Variants in FBXO16 observed in about 807,000 individuals in gnomAD.
The protein encoded by FBXO16 is F-box protein 16, also known as F-box only protein 16.
A neutral mutation model predicts 41.0 loss-of-function variants in FBXO16; 31 were observed. The observed-to-expected ratio is 0.76, with a 90% CI of 0.57 to 1.02. The LOEUF is 1.02. Ranked by LOEUF, FBXO16 falls within the 50% of genes least tolerant of loss-of-function variation. FBXO16 has a pLI of 0.00. For synonymous variants in FBXO16, 133 were observed against 117.8 expected, an observed-to-expected ratio of 1.13 and a Z score of -0.84; for missense variants, 361 against 346.2, an observed-to-expected ratio of 1.04 and a Z score of -0.34.
chr8:28,462,436 G>A (rs1015035315), intron 4 of FBXO16, among the ~76,000 whole-genome samples: 4 of 151,776 alleles, frequency 2.6e-5, no homozygotes, highest in South Asian at 2.1e-4. Flanking sequence ...CCGCCACCAC[G>A]CCCGGCTAAT....
intron 1 of FBXO16, 30 bp from the exon 2 acceptor site, chr8:28,483,492 A>C: frequency 6.6e-7 from 1 of 1,518,288 alleles, no homozygotes; most frequent in Admixed American, 1.7e-5. Flanking sequence ...ACCTATCAGA[A>C]GAAGTGAATC....
intron 3 of FBXO16, among the ~76,000 whole-genome samples, chr8:28,466,963 A>G (rs1007608110): frequency 1.4e-5 from 2 of 138,138 alleles, no homozygotes; most frequent in African/African-American, 2.8e-5. Flanking sequence ...GTTTTTTTAG[A>G]GACAGGGTCT....
At chr8:28,447,528 T>C (rs1297150401) in intron 6 of FBXO16, 2 of 421,690 alleles carry the variant, frequency 4.7e-6, no homozygotes, top group Non-Finnish European at 4.3e-6. Flanking sequence ...ATCTCCAGGA[T>C]ATACTGTTAC....
At chr8:28,435,617 G>C (rs943524736) in intron 7 of FBXO16, among the ~76,000 whole-genome samples, 2 of 152,154 alleles carry the variant, frequency 1.3e-5, no homozygotes, top group African/African-American at 4.8e-5. Flanking sequence ...ACTCAGAATG[G>C]GGAGTGCATG....
chr8:28,486,436 C>T (rs1803603419), intron 1 of FBXO16, among the ~76,000 whole-genome samples: 1 of 152,030 alleles, frequency 6.6e-6, no homozygotes, highest in Admixed American at 6.5e-5. Context: ...GTTGGTCAGG[C>T]TGGTCTCAAA....
rs527791441 is a variant in FBXO16 at position 28,439,814 on chromosome 8, A to T, written c.843+7357T>A. Reference sequence around the variant, plus strand: ...CTGAGAAGTGCATCAGAATTTGATAAGAAGTATATCAAAGATTGCCTGCAA... The same window carrying T: ...CTGAGAAGTGCATCAGAATTTGATATGAAGTATATCAAAGATTGCCTGCAA... On this transcript the variant is annotated intron_variant, in intron 7 of 8. Transcript: ENST00000380254. 4.6e-5 allele frequency among the ~76,000 whole-genome samples: 7 copies of T among 151,966 alleles called. No individual in the cohort carries two copies. The East Asian group carries it at 1.4e-3, about 29-fold the overall frequency.
At chr8:28,437,703 T>C (rs1294950529) in intron 7 of FBXO16, among the ~76,000 whole-genome samples, 1 of 152,032 alleles carries the variant, frequency 6.6e-6, no homozygotes, top group Non-Finnish European at 1.5e-5. Flanking sequence ...TGAGACCCTG[T>C]CTCTACCAAA....
At chr8:28,470,250 A>G (rs891008957) in intron 3 of FBXO16, among the ~76,000 whole-genome samples, 2 of 152,218 alleles carry the variant, frequency 1.3e-5, no homozygotes, top group Non-Finnish European at 2.9e-5. Flanking sequence ...ATGTAGCCAC[A>G]CATGTCCTGA....
chr8:28,487,931 C>T (rs1028917414), intron 1 of FBXO16, among the ~76,000 whole-genome samples: 4 of 151,664 alleles, frequency 2.6e-5, no homozygotes, highest in African/African-American at 9.7e-5. Flanking sequence ...CGGCTCACCA[C>T]AACCTCCGCC....
intron 7 of FBXO16, among the ~76,000 whole-genome samples, chr8:28,445,624 C>CT (rs1367702271): frequency 1.0e-5 from 1 of 99,238 alleles, no homozygotes; most frequent in Non-Finnish European, 2.1e-5. Flanking sequence ...TACTGCTTTG[C>CT]TCTAAGCTCC....
rs797005211 is a variant in FBXO16, at chr8:28,433,074, C to A, written c.844-3671G>T. Among the ~76,000 whole-genome samples the A allele has an allele frequency of 1.6e-3, 206 of 130,384 alleles. 1 individual carries two copies. The East Asian group carries it at 0.038, about 24-fold the overall frequency. 85.5% of individuals were successfully genotyped at this position (130,384 alleles called of 152,430 possible). Reference sequence around the variant, plus strand: ...AGACTTCGTCCAAAAAAAAAAAAAACAAACAAAAAACAAACAAACAAACAA... The same window carrying A: ...AGACTTCGTCCAAAAAAAAAAAAAAAAAACAAAAAACAAACAAACAAACAA... On this transcript the variant is annotated intron_variant, in intron 7 of 8. Transcript: ENST00000380254.
chr8:28,468,192 C>T (rs1280360698), intron 3 of FBXO16, among the ~76,000 whole-genome samples: 1 of 152,138 alleles, frequency 6.6e-6, no homozygotes, highest in East Asian at 1.9e-4. Flanking sequence ...ACCGTCAGGA[C>T]CATTATTCTC....
intron 7 of FBXO16, among the ~76,000 whole-genome samples, chr8:28,445,459 C>T (rs1176336357): frequency 1.3e-5 from 2 of 152,196 alleles, no homozygotes; most frequent in East Asian, 3.8e-4. Flanking sequence ...TCACCATCAA[C>T]TTTTATTGTC....
intron 7 of FBXO16, among the ~76,000 whole-genome samples, chr8:28,441,910 A>ATGTG (rs1175392833): frequency 0.017 from 1,855 of 107,788 alleles, 33 homozygotes; most frequent in African/African-American, 0.055. Context: ...GTATATATAT[A>ATGTG]TGTGTGTGTG....
chr8:28,477,320 A>C (rs974171326), intron 2 of FBXO16, among the ~76,000 whole-genome samples: 2 of 152,236 alleles, frequency 1.3e-5, no homozygotes, highest in Admixed American at 1.3e-4. Context: ...GCCCTCATTT[A>C]GAAGTATGGA....
intron 8 of FBXO16, 58 bp from the exon 9 acceptor site, chr8:28,428,794 CTAGT>C (rs1377993224): frequency 1.4e-6 from 2 of 1,438,276 alleles, no homozygotes; most frequent in Admixed American, 6.2e-5. Context: ...AGGGAGCTAT[CTAGT>C]TAAACTTATT....
intron 3 of FBXO16, among the ~76,000 whole-genome samples, chr8:28,472,066 C>A (rs1803345370): frequency 6.6e-6 from 1 of 152,084 alleles, no homozygotes; most frequent in South Asian, 2.1e-4. Context: ...AAGCTACTGT[C>A]CCCCAGATCC....
chr8:28,452,292 C>CCT lies in FBXO16; in HGVS notation c.691_692insAG (p.Arg231GlnfsTer6). ...GTCACGGTTGTCTAGGTAATTAAAACGAATGATATCTGTTGGGTGCTTATC... is the reference window on the plus strand; with the variant it reads ...GTCACGGTTGTCTAGGTAATTAAAACCTGAATGATATCTGTTGGGTGCTTATC... On this transcript the variant is annotated frameshift_variant, in exon 6 of 9. Transcript: ENST00000380254. LOFTEE classifies it high-confidence loss of function. The CCT allele has an allele frequency of 4.3e-6, 7 of 1,614,166 alleles. No individual in the cohort carries two copies. Among genetic ancestry groups the CCT allele is most frequent in the Non-Finnish European group, 5.9e-6 (7 of 1,180,034 alleles).
intron 7 of FBXO16, 119 bp downstream of exon 7, chr8:28,447,052 T>C (rs1802875361): frequency 2.2e-6 from 2 of 904,088 alleles, no homozygotes; most frequent in African/African-American, 1.7e-5. Context: ...GAAACCCGAA[T>C]TTAAATCACC....
Sources: gnomAD v4.1 joint callset for allele counts (sites outside exome capture counted in the v4.1 genomes callset) on GRCh38, gnomAD v4.1.1 for gene constraint, MANE v1.5 for transcripts, NCBI Gene and HGNC (gene_info 2026-07-23, HGNC 2026-07-21) for gene names.